FKTN: variants seen among roughly 807,000 people sequenced by gnomAD.
FKTN encodes the protein ribitol-5-phosphate transferase FKTN.
FKTN carries 47 observed loss-of-function variants against 58.6 expected under a neutral mutation model. That is an observed-to-expected ratio of 0.80 (90% CI 0.63 to 1.02). The LOEUF (loss-of-function observed/expected upper bound fraction) is 1.02, where lower values mean the gene tolerates loss of function less well. Ranked by LOEUF, FKTN falls within the 50% of genes least tolerant of loss-of-function variation. The pLI is 0.00. For missense variants in FKTN, 516 were observed against 537.3 expected, an observed-to-expected ratio of 0.96 and a Z score of 0.39; for synonymous variants, 178 against 191.9, an observed-to-expected ratio of 0.93 and a Z score of 0.60.
chr9:105,605,531 TACAC>T (rs1010718956), intron 6 of FKTN, among the ~76,000 whole-genome samples: 3 of 152,192 alleles, frequency 2.0e-5, no homozygotes, highest in Non-Finnish European at 2.9e-5. Context: ...ATGTGGTACA[TACAC>T]ACAATGGAGT....
chr9:105,630,599 G>A (rs1564350023), intron 10 of FKTN, among the ~76,000 whole-genome samples: 1 of 151,946 alleles, frequency 6.6e-6, no homozygotes, highest in Non-Finnish European at 1.5e-5. Context: ...TAGCAAAAGT[G>A]GACATGAACA....
At chr9:105,620,456 C>CT (rs1458175629) in intron 10 of FKTN, among the ~76,000 whole-genome samples, 1 of 152,178 alleles carries the variant, frequency 6.6e-6, no homozygotes, top group Non-Finnish European at 1.5e-5. Flanking sequence ...AGTAATACTA[C>CT]TGTGTGTCAG....
At chr9:105,564,292 G>GA (rs774219293) in intron 1 of FKTN, among the ~76,000 whole-genome samples, 18 of 152,212 alleles carry the variant, frequency 1.2e-4, no homozygotes, top group Non-Finnish European at 2.2e-4. Flanking sequence ...AACAAAGCTG[G>GA]ATGGAGAATG....
rs1834356953 is a variant in FKTN at position 105,640,603 on chromosome 9, A to T, written c.*5339A>T. 6.6e-6 allele frequency: 1 copy of T among 152,392 alleles called. No individual in the cohort carries two copies. Among genetic ancestry groups the T allele is most frequent in the African/African-American group, 2.4e-5 (1 of 41,394 alleles). The allele number at this position is 152,392 out of a possible 1,614,324, so 9.4% of individuals were successfully genotyped here. A position where few individuals can be genotyped will look rare whatever the true frequency, so the allele number is the denominator to read the frequency against. On this transcript the variant is annotated 3_prime_UTR_variant, in exon 11 of 11. Transcript: ENST00000357998. ...AAATCTCTGCTTCCGTACTATCAAA[A>T]CTTCTACCCTAGAATACCCCCTGGC...
At chr9:105,578,644 G>A (rs538628031) in intron 3 of FKTN, among the ~76,000 whole-genome samples, 34 of 152,020 alleles carry the variant, frequency 2.2e-4, no homozygotes, top group Admixed American at 7.9e-4. Flanking sequence ...TTTTTGTTGA[G>A]TCTCTGCCCG....
At position 105,639,877 on chromosome 9, in the gene FKTN, CT is replaced by C; in HGVS notation, c.*4614del. ...CACTAGATTTGGTACCTGCTCTCCC[CT>C]GGACTTCTTTTTCAATATTCTAGCC... is the stretch of plus-strand genomic sequence containing the variant. On this transcript the variant is annotated 3_prime_UTR_variant, in exon 11 of 11. Transcript: ENST00000357998. 5.7e-6 allele frequency: 8 copies of C among 1,394,780 alleles called. No individual in the cohort carries two copies. The highest frequency in any genetic ancestry group is 6.5e-6 in the Non-Finnish European group (7 of 1,078,512). The allele number at this position is 1,394,780 out of a possible 1,614,324, so 86.4% of individuals were successfully genotyped here.
chr9:105,593,194 C>T (rs948201345), intron 3 of FKTN, among the ~76,000 whole-genome samples: 10 of 152,110 alleles, frequency 6.6e-5, no homozygotes, highest in African/African-American at 2.2e-4. Flanking sequence ...AAGGTGAAGG[C>T]GGAACCAGCA....
intron 4 of FKTN, chr9:105,598,137 T>G (rs1379716356): frequency 1.1e-5 from 5 of 469,126 alleles, no homozygotes; most frequent in Admixed American, 2.4e-5. Flanking sequence ...AAGTCTTTAC[T>G]TCCACGGTAC....
chr9:105,601,473 T>A, intron 5 of FKTN, 125 bp downstream of exon 5: 1 of 671,400 alleles, frequency 1.5e-6, no homozygotes, highest in Non-Finnish European at 2.6e-6. Context: ...GTATCAGGAA[T>A]ATTTTCAGCT....
chr9:105,639,818 C>A lies in FKTN; in HGVS notation c.*4554C>A. The A allele has an allele frequency of 8.1e-7, 1 of 1,240,966 alleles. No homozygotes were observed. Among genetic ancestry groups the A allele is most frequent in the South Asian group, 2.7e-5 (1 of 37,452 alleles). 76.9% of individuals were successfully genotyped at this position (1,240,966 alleles called of 1,614,324 possible). A position where few individuals can be genotyped will look rare whatever the true frequency, so the allele number is the denominator to read the frequency against. The stretch of plus-strand genomic sequence containing the variant: ...CTCCTAATATTATCCCATATGCTAC[C>A]TAGTTTGCTGGTCCCAAGCAGTTTA... On this transcript the variant is annotated 3_prime_UTR_variant, in exon 11 of 11. Coordinates refer to ENST00000357998, the MANE Select transcript of FKTN (RefSeq NM_001079802.2).
At chr9:105,620,139 A>G in intron 10 of FKTN, 78 bp downstream of exon 10, 1 of 1,265,408 alleles carries the variant, frequency 7.9e-7, no homozygotes. Context: ...AAGTAACTGA[A>G]AAGAAAACCA....
chr9:105,581,751 C>T (rs1360295966), intron 3 of FKTN, among the ~76,000 whole-genome samples: 7 of 152,120 alleles, frequency 4.6e-5, no homozygotes, highest in African/African-American at 9.7e-5. Context: ...CAATGGCGGG[C>T]GCCCCTCCCC....
chr9:105,584,124 C>G (rs764436622), intron 3 of FKTN, among the ~76,000 whole-genome samples: 2 of 152,038 alleles, frequency 1.3e-5, no homozygotes, highest in African/African-American at 4.8e-5. Flanking sequence ...CCTTTGTTTC[C>G]TTATCTACAA....
rs1290399713 is a variant in FKTN, at chr9:105,637,243, C to T, written c.*1979C>T. 5.1e-6 allele frequency: 5 copies of T among 985,120 alleles called. No homozygotes were observed. The African/African-American group carries it at 8.7e-5, about 17-fold the overall frequency. The allele number at this position is 985,120 out of a possible 1,614,324, so 61.0% of individuals were successfully genotyped here. ...TTCTCCCCATTTCCAATTGGGACTC[C>T]CATTCTTTGCCAGGAGATCTTACCC... On this transcript the variant is annotated 3_prime_UTR_variant, in exon 11 of 11. Coordinates refer to ENST00000357998, the MANE Select transcript of FKTN (RefSeq NM_001079802.2).
At chr9:105,620,269 G>C in intron 10 of FKTN, 2 of 478,726 alleles carry the variant, frequency 4.2e-6, no homozygotes, top group East Asian at 4.1e-5. Context: ...AGTGTCCCTG[G>C]GTTTGTCAGT....
intron 7 of FKTN, among the ~76,000 whole-genome samples, chr9:105,608,859 T>G (rs1829391732): frequency 7.6e-6 from 1 of 131,986 alleles, no homozygotes; most frequent in African/African-American, 3.7e-5. Context: ...AAAAACCACA[T>G]GTGTGGATGG....
At position 105,637,444 on chromosome 9, in the gene FKTN, C is replaced by G. The variant is rs1249241553; in HGVS notation, c.*2180C>G. The G allele has an allele frequency of 5.1e-6, 5 of 985,294 alleles. No individual in the cohort carries two copies. The highest frequency in any genetic ancestry group is 3.6e-6 in the Non-Finnish European group (3 of 829,952). 61.0% of individuals were successfully genotyped at this position (985,294 alleles called of 1,614,324 possible). A position where few individuals can be genotyped will look rare whatever the true frequency, so the allele number is the denominator to read the frequency against. On this transcript the variant is annotated 3_prime_UTR_variant, in exon 11 of 11. Transcript: ENST00000357998. ...TTTCACAGGCTTCAGCTCATGGGTT[C>G]CACCCTAACTTGGGGAAACAAAAGC...
rs75660863 is a variant in FKTN, at chr9:105,608,638, C to T, written c.780+687C>T. 2.0e-5 allele frequency among the ~76,000 whole-genome samples: 3 copies of T among 152,202 alleles called. No individual in the cohort carries two copies. In the East Asian group the frequency reaches 5.8e-4, roughly 29 times the overall value. On this transcript the variant is annotated intron_variant, in intron 7 of 10. Coordinates refer to ENST00000357998, the MANE Select transcript of FKTN (RefSeq NM_001079802.2). ...ACTTGCCCTTTATTTTCTGGGGTTC[C>T]CTGCCAAGAAAGCTGTGTCCACGAG...
At position 105,640,016 on chromosome 9, in the gene FKTN, A is replaced by G; in HGVS notation, c.*4752A>G. The G allele has an allele frequency of 6.5e-7, 1 of 1,526,754 alleles. No individual in the cohort carries two copies. Among genetic ancestry groups the G allele is most frequent in the Non-Finnish European group, 8.8e-7 (1 of 1,139,512 alleles). 94.6% of individuals were successfully genotyped at this position (1,526,754 alleles called of 1,614,324 possible). On this transcript the variant is annotated 3_prime_UTR_variant, in exon 11 of 11. Transcript: ENST00000357998. ...TTCATTTAATTATCTATGCTGATGA[A>G]TGCCTGTATCATTGTTAATAAAGGA... is the stretch of plus-strand genomic sequence containing the variant.
Sources: gnomAD v4.1 joint callset for allele counts (sites outside exome capture counted in the v4.1 genomes callset) on GRCh38, gnomAD v4.1.1 for gene constraint, MANE v1.5 for transcripts, NCBI Gene and HGNC (gene_info 2026-07-23, HGNC 2026-07-21) for gene names.